FGF13: variants seen among roughly 807,000 people sequenced by gnomAD.
FGF13 encodes fibroblast growth factor homologous factor 2.
FGF13 carries 2 observed loss-of-function variants against 19.5 expected under a neutral mutation model. That is an observed-to-expected ratio of 0.10 (90% CI 0.04 to 0.32). The LOEUF (loss-of-function observed/expected upper bound fraction) is 0.32, where lower values mean the gene tolerates loss of function less well. Among genes scored for constraint, FGF13 ranks in the 10% least tolerant of loss-of-function variants. The pLI, the probability that FGF13 is intolerant of heterozygous loss-of-function variation, is 1.00. For synonymous variants in FGF13, 72 were observed against 76.9 expected (o/e 0.94, Z 0.33); for missense variants, 113 against 192.7 (o/e 0.59, Z 2.45).
chrX:138,748,463 C>G (rs1443121599), intron 3 of FGF13, among the ~76,000 whole-genome samples: 2 of 111,145 alleles, frequency 1.8e-5, no homozygotes, highest in Non-Finnish European at 3.8e-5. Context: ...CATCTATAAG[C>G]CAGAAAGAGA....
chrX:139,159,655 C>CAAAAAAAAAAAAAAAAA (rs550001786), intron 1 of FGF13, among the ~76,000 whole-genome samples: 10 of 51,646 alleles, frequency 1.9e-4, no homozygotes, highest in African/African-American at 7.5e-4. Context: ...AAAGAGAAAG[C>CAAAAAAAAAAAAAAAAA]AAAAAAAAAA....
Position 139,202,871 on chromosome X carries a change from G to T in FGF13, c.-113+545C>A, listed in dbSNP as rs189588936. ...AACCTCACTTCTGCAGTGGGGACTC[G>T]GCGTGGGTCGCTGCGGTCCAGTGTG... is the stretch of plus-strand genomic sequence containing the variant. On this transcript the variant is annotated intron_variant, in intron 1 of 2. Transcript: ENST00000421460. 3.5e-3 allele frequency among the ~76,000 whole-genome samples: 386 copies of T among 111,542 alleles called. 1 individual carries two copies. Among genetic ancestry groups the T allele is most frequent in the African/African-American group, 0.012 (355 of 30,632 alleles).
intron 3 of FGF13, among the ~76,000 whole-genome samples, chrX:138,790,792 A>G (rs1189944215): frequency 8.9e-6 from 1 of 112,069 alleles, no homozygotes; most frequent in East Asian, 2.8e-4. Context: ...TTTCAAAGCT[A>G]TTTGCCATAC....
At chrX:138,996,799 T>C (rs986245218) in intron 1 of FGF13, among the ~76,000 whole-genome samples, 3 of 112,375 alleles carry the variant, frequency 2.7e-5, no homozygotes, top group African/African-American at 9.7e-5. Context: ...AAGAGAGCAG[T>C]GGTTCTCCCA....
chrX:139,025,165 C>T (rs2092196249), intron 1 of FGF13, among the ~76,000 whole-genome samples: 1 of 111,711 alleles, frequency 9.0e-6, no homozygotes, highest in South Asian at 3.8e-4. Flanking sequence ...AAATCCCAAA[C>T]CCTGGTCTAA....
At chrX:139,150,450 A>G (rs1304019835) in intron 1 of FGF13, among the ~76,000 whole-genome samples, 1 of 112,409 alleles carries the variant, frequency 8.9e-6, no homozygotes, top group Non-Finnish European at 1.9e-5. Context: ...CCACCTATCC[A>G]CAATGACTCC....
At chrX:138,946,752 C>T (rs1042372453) in intron 1 of FGF13, among the ~76,000 whole-genome samples, 2 of 111,613 alleles carry the variant, frequency 1.8e-5, no homozygotes, top group African/African-American at 3.3e-5. Flanking sequence ...GACCCAATAC[C>T]CACTTTCTCA....
rs1028321056 is a variant in FGF13 at position 138,727,797 on chromosome X, C to A, written c.28+11445G>T. Reference sequence around the variant, plus strand: ...CCCAAAGCATTACAGTGAACATGAACAATAAAGAGATGGAAAAACATATAT... The same window carrying A: ...CCCAAAGCATTACAGTGAACATGAAAAATAAAGAGATGGAAAAACATATAT... On this transcript the variant is annotated intron_variant, in intron 1 of 4. Transcript: ENST00000305414. 5.4e-5 allele frequency among the ~76,000 whole-genome samples: 6 copies of A among 111,358 alleles called. 1 individual carries two copies. Among genetic ancestry groups the A allele is most frequent in the Middle Eastern group, 9.3e-3 (2 of 215 alleles).
chrX:138,788,982 G>C (rs1444768163), intron 3 of FGF13, among the ~76,000 whole-genome samples: 1 of 111,064 alleles, frequency 9.0e-6, no homozygotes, highest in Non-Finnish European at 1.9e-5. Flanking sequence ...TTCATCACAA[G>C]TTCCACCTTC....
chrX:138,961,799 G>A (rs1283717959), intron 1 of FGF13, among the ~76,000 whole-genome samples: 1 of 111,912 alleles, frequency 8.9e-6, no homozygotes, highest in African/African-American at 3.3e-5. Flanking sequence ...CAGGTAGAAA[G>A]CTGAAACTGG....
chrX:139,203,147 G>T (rs1343713069), intron 1 of FGF13, among the ~76,000 whole-genome samples: 1 of 112,100 alleles, frequency 8.9e-6, no homozygotes, highest in Non-Finnish European at 1.9e-5. Context: ...GTTCTCCCCA[G>T]CCTGAGCACC....
At chrX:138,960,770 A>C (rs2091865351) in intron 1 of FGF13, among the ~76,000 whole-genome samples, 1 of 111,691 alleles carries the variant, frequency 9.0e-6, no homozygotes, top group African/African-American at 3.3e-5. Context: ...ATCTTCAATC[A>C]CTGATACCCT....
At chrX:138,918,709 G>C (rs2091630350) in intron 1 of FGF13, among the ~76,000 whole-genome samples, 1 of 111,492 alleles carries the variant, frequency 9.0e-6, no homozygotes, top group Admixed American at 9.6e-5. Flanking sequence ...AGTGTGAGAA[G>C]TACAATAAGG....
intron 1 of FGF13, among the ~76,000 whole-genome samples, chrX:139,201,934 T>G (rs1405881066): frequency 2.7e-5 from 3 of 112,392 alleles, no homozygotes; most frequent in Non-Finnish European, 5.6e-5. Context: ...TTCTTAAAAG[T>G]TGCCTTGTAA....
At position 138,628,110 on chromosome X, in the gene FGF13, TTCTC is replaced by T. The variant is rs900012173; in HGVS notation, c.*4736_*4739del. 1 of 111,219 alleles carries T rather than the reference TTCTC, an allele frequency of 9.0e-6. No homozygotes were observed. Among genetic ancestry groups the T allele is most frequent in the Non-Finnish European group, 1.9e-5 (1 of 53,002 alleles). The allele number at this position is 111,219 out of a possible 1,213,427, so 9.2% of individuals were successfully genotyped here. On this transcript the variant is annotated 3_prime_UTR_variant, in exon 5 of 5. Coordinates refer to ENST00000315930, the MANE Select transcript of FGF13 (RefSeq NM_004114.5). ...TCCTCTAAGCTGGGATTTTTTTTCA[TTCTC>T]TCTCTCTCTGTTTCTTGGAGATAAA... is the stretch of plus-strand genomic sequence containing the variant.
At chrX:138,687,953 AT>A (rs35630753) in intron 3 of FGF13, among the ~76,000 whole-genome samples, 1,030 of 97,785 alleles carry the variant, frequency 0.011, 14 homozygotes, top group African/African-American at 0.027. Flanking sequence ...AAAAAATTGG[AT>A]TTTTTTTTTT....
At chrX:138,711,958 G>A (rs1048466028), upstream of FGF13, 3 of 111,442 alleles carry the variant, frequency 2.7e-5, no homozygotes, top group African/African-American at 9.8e-5. Context: ...GAACTGAGAT[G>A]AGGTAGTTGG....
chrX:138,669,139 T>C (rs1461947743), intron 3 of FGF13, among the ~76,000 whole-genome samples: 1 of 110,519 alleles, frequency 9.0e-6, no homozygotes, highest in Non-Finnish European at 1.9e-5. Flanking sequence ...AAATGATCTG[T>C]ATGCCAGTGG....
chrX:138,768,755 A>ATATATATG (rs1569388532), intron 3 of FGF13, among the ~76,000 whole-genome samples: 1 of 102,695 alleles, frequency 9.7e-6, no homozygotes, highest in African/African-American at 3.6e-5. Flanking sequence ...ATATATATAT[A>ATATATATG]ATTTCACAAG....
Sources: gnomAD v4.1 joint callset for allele counts (sites outside exome capture counted in the v4.1 genomes callset) on GRCh38, gnomAD v4.1.1 for gene constraint, MANE v1.5 for transcripts, NCBI Gene and HGNC (gene_info 2026-07-23, HGNC 2026-07-21) for gene names.